TCN2: variants seen among roughly 807,000 people sequenced by gnomAD.
TCN2 encodes the protein transcobalamin-2.
TCN2 carries 34 observed loss-of-function variants against 48.6 expected under a neutral mutation model. The observed-to-expected ratio is 0.70, with a 90% CI of 0.53 to 0.93. The LOEUF is 0.93. TCN2 is among the 40% of genes least tolerant of loss of function. TCN2 has a pLI of 0.00. For synonymous variants in TCN2, 283 were observed against 212.5 expected (o/e 1.33, Z -2.89); for missense variants, 652 against 526.1 (o/e 1.24, Z -2.34).
chr22:30,627,253 A>G lies in TCN2; in HGVS notation c.*732A>G, dbSNP rs892540555. The stretch of plus-strand genomic sequence containing the variant: ...TACTATGACTGAGCACTCACTCGCT[A>G]GATACTATCTTGAACTGCTCTGTGA... On this transcript the variant is annotated 3_prime_UTR_variant, in exon 9 of 9. Coordinates refer to ENST00000215838, the MANE Select transcript of TCN2 (RefSeq NM_000355.4). 1 of 156,454 alleles carries G rather than the reference A, an allele frequency of 6.4e-6. No individual in the cohort carries two copies. The highest frequency in any genetic ancestry group is 1.4e-5 in the Non-Finnish European group (1 of 70,534). 9.7% of individuals were successfully genotyped at this position (156,454 alleles called of 1,614,324 possible). A position where few individuals can be genotyped will look rare whatever the true frequency, so the allele number is the denominator to read the frequency against.
chr22:30,614,010 C>T (rs1448863993), intron 3 of TCN2, among the ~76,000 whole-genome samples: 2 of 152,212 alleles, frequency 1.3e-5, no homozygotes, highest in African/African-American at 2.4e-5. Context: ...CAGCCGTCTC[C>T]AGCATTACCT....
rs1555894597 is a variant in TCN2, at chr22:30,610,960, C to T, written c.154C>T (p.Pro52Ser). The T allele has an allele frequency of 3.1e-6, 5 of 1,614,198 alleles. No individual in the cohort carries two copies. Among genetic ancestry groups the T allele is most frequent in the Non-Finnish European group, 4.2e-6 (5 of 1,180,042 alleles). Residue 52 changes from proline to serine, a missense_variant, in exon 2 of 9, where the codon CCC (proline) becomes TCC (serine). Pro to Ser is a moderately conservative substitution (Grantham distance 74, BLOSUM62 -1). Transcript: ENST00000215838. ...CCGGCTTTCCCTGGAGCACTTGAACCCCAGCATCTATGTGGGCCTACGCCT... is the reference window on the plus strand; with the variant it reads ...CCGGCTTTCCCTGGAGCACTTGAACTCCAGCATCTATGTGGGCCTACGCCT... ...MDRLSLEHLN[P>S]SIYVGLRLSS...
At chr22:30,619,955 A>G (rs1208329768) in intron 7 of TCN2, among the ~76,000 whole-genome samples, 1 of 152,082 alleles carries the variant, frequency 6.6e-6, no homozygotes, top group Non-Finnish European at 1.5e-5. Flanking sequence ...GGAGTTTGAG[A>G]CCAGCCTGGG....
At chr22:30,611,614 T>C (rs1221294255) in intron 2 of TCN2, among the ~76,000 whole-genome samples, 1 of 152,242 alleles carries the variant, frequency 6.6e-6, no homozygotes, top group Middle Eastern at 3.2e-3. Flanking sequence ...TTCAAGTGAT[T>C]CTCGTGCCTC....
At chr22:30,608,297 G>A (rs1269291960) in intron 1 of TCN2, among the ~76,000 whole-genome samples, 2 of 152,232 alleles carry the variant, frequency 1.3e-5, no homozygotes, top group Non-Finnish European at 2.9e-5. Flanking sequence ...AGAAGTCGAG[G>A]GTTGGAGGGG....
chr22:30,617,367 C>G lies in TCN2; in HGVS notation c.978C>G (p.Thr326=), dbSNP rs750694462. 6.2e-7 allele frequency: 1 copy of G among 1,614,120 alleles called. No individual in the cohort carries two copies. Among genetic ancestry groups the G allele is most frequent in the Non-Finnish European group, 8.5e-7 (1 of 1,180,036 alleles). ...CAGCTGCTGAGACCATTCCTCAGAC[C>G]CAAGAGATCATCAGTGTCACGCTGC... ...LEPAAETIPQ[T]QEIISVTLQV... The change falls in exon 7 of 9, where the codon ACC becomes ACG. Residue 326 remains threonine (T), a synonymous_variant. Transcript: ENST00000215838.
intron 8 of TCN2, 192 bp downstream of exon 8, chr22:30,623,275 T>G: frequency 1.8e-6 from 1 of 556,222 alleles, no homozygotes; most frequent in East Asian, 2.9e-5. Context: ...CTGTGGAAAT[T>G]CTAGGAAACC....
chr22:30,610,484 C>T (rs554405185), intron 1 of TCN2: 2 of 380,412 alleles, frequency 5.3e-6, no homozygotes, highest in South Asian at 4.1e-5. Context: ...ACTTCTGTTT[C>T]CTCTTCTGTG....
At chr22:30,617,933 TG>T (rs375816101) in intron 7 of TCN2, among the ~76,000 whole-genome samples, 2 of 151,908 alleles carry the variant, frequency 1.3e-5, no homozygotes, top group African/African-American at 4.8e-5. Flanking sequence ...AACTGTTTTT[TG>T]TTTGTTTGTT....
In TCN2 at chr22:30,612,660, G is replaced by T. The variant is rs185881502; in HGVS notation, c.258-213G>T. On this transcript the variant is annotated intron_variant, in intron 2 of 8. Coordinates refer to ENST00000215838, the MANE Select transcript of TCN2 (RefSeq NM_000355.4). The stretch of plus-strand genomic sequence containing the variant: ...GATGATCTGGACACAGGAGCCCTTG[G>T]AGTTTATTCTTGAATCTAACTGTTC... Among the ~76,000 whole-genome samples the T allele has an allele frequency of 9.2e-4, 140 of 152,310 alleles. 1 individual carries two copies. The highest frequency in any genetic ancestry group is 6.8e-3 in the Middle Eastern group (2 of 294).
rs753311276 is a variant in TCN2 at position 30,612,999 on chromosome 22, C to T, written c.384C>T (p.Val128=). 1 of 1,614,174 alleles carries T rather than the reference C, an allele frequency of 6.2e-7. No individual in the cohort carries two copies. Among genetic ancestry groups the T allele is most frequent in the Admixed American group, 1.7e-5 (1 of 60,020 alleles). The change falls in exon 3 of 9, where the codon GTC becomes GTT. Residue 128 remains valine (V), a synonymous_variant. Transcript: ENST00000215838. The stretch of plus-strand genomic sequence containing the variant: ...GGGGCCACAAGGGGGACAGGCTGGT[C>T]TCACAGCTCAAATGGTTCCTGGAGG... ...FVRGHKGDRL[V]SQLKWFLEDE...
chr22:30,611,248 A>T (rs916053675), intron 2 of TCN2, 185 bp downstream of exon 2: 6 of 709,206 alleles, frequency 8.5e-6, no homozygotes, highest in Non-Finnish European at 1.5e-5. Flanking sequence ...CAGAGATGCT[A>T]ATGCAAGGCT....
intron 4 of TCN2, 112 bp downstream of exon 4, chr22:30,614,613 C>A: frequency 6.8e-7 from 1 of 1,469,400 alleles, no homozygotes. Flanking sequence ...GGGGCTCCTC[C>A]GAATCAAGTC....
intron 7 of TCN2, among the ~76,000 whole-genome samples, chr22:30,620,327 C>T (rs527369223): frequency 6.6e-6 from 1 of 152,330 alleles, no homozygotes; most frequent in South Asian, 2.1e-4. Flanking sequence ...TAGCTCTAGA[C>T]AGCTATAAAT....
At chr22:30,621,080 C>G (rs904909856) in intron 7 of TCN2, among the ~76,000 whole-genome samples, 4 of 152,116 alleles carry the variant, frequency 2.6e-5, no homozygotes, top group African/African-American at 9.7e-5. Context: ...GCAACCTCCA[C>G]CTCCTGGGTT....
intron 7 of TCN2, among the ~76,000 whole-genome samples, chr22:30,621,680 C>T (rs556604179): frequency 6.6e-6 from 1 of 152,312 alleles, no homozygotes; most frequent in South Asian, 2.1e-4. Flanking sequence ...GATGGGGTTT[C>T]ACCATGTTGT....
chr22:30,607,622 A>G (rs960495263), intron 1 of TCN2, among the ~76,000 whole-genome samples: 2 of 152,198 alleles, frequency 1.3e-5, no homozygotes, highest in Non-Finnish European at 1.5e-5. Context: ...CATTCAGCGC[A>G]TACTGAGCCT....
Position 30,626,587 on chromosome 22 carries a change from C to A in TCN2, c.*66C>A. 6.4e-7 allele frequency: 1 copy of A among 1,568,744 alleles called. No individual in the cohort carries two copies. The highest frequency in any genetic ancestry group is 1.1e-5 in the South Asian group (1 of 89,642). On this transcript the variant is annotated 3_prime_UTR_variant, in exon 9 of 9. Transcript: ENST00000215838. ...AGGCTTCTACCCTCCCTCCTGATGT[C>A]CCTGGAACAGGAACTCGCCTGACCC...
chr22:30,619,536 T>C (rs2087666440), intron 7 of TCN2, among the ~76,000 whole-genome samples: 1 of 152,246 alleles, frequency 6.6e-6, no homozygotes, highest in Non-Finnish European at 1.5e-5. Context: ...GTCCTGTCCA[T>C]GATGAAATAA....
Sources: allele counts gnomAD v4.1 joint callset (sites outside exome capture counted in the v4.1 genomes callset), GRCh38; gene constraint gnomAD v4.1.1; transcripts MANE v1.5; gene names NCBI Gene and HGNC (gene_info 2026-07-23, HGNC 2026-07-21).